SETBP1: variants seen among roughly 807,000 people sequenced by gnomAD.
The protein encoded by SETBP1 is SET-binding protein.
In SETBP1, 9 loss-of-function variants were observed where a neutral mutation model predicts 101.0. The observed-to-expected ratio is 0.09, with a 90% CI of 0.05 to 0.16. SETBP1 has a LOEUF of 0.16. Ranked by LOEUF, SETBP1 falls within the 10% of genes least tolerant of loss-of-function variation. The pLI, the probability that SETBP1 is intolerant of heterozygous loss-of-function variation, is 1.00. For synonymous variants in SETBP1, 818 were observed against 788.5 expected (o/e 1.04, Z -0.63); for missense variants, 1,858 against 2,033.8 (o/e 0.91, Z 1.66).
At position 44,933,212 on chromosome 18, in the gene SETBP1, G is replaced by A. The variant is rs377741457; in HGVS notation, c.541-16669G>A. 5.9e-5 allele frequency among the ~76,000 whole-genome samples: 9 copies of A among 152,328 alleles called. 1 individual carries two copies. Among genetic ancestry groups the A allele is most frequent in the South Asian group, 2.1e-4 (1 of 4,828 alleles). ...TGCAGGTCTGTTGGAGTTTGCTGAG[G>A]TCCCCTCCAGACCCTGTTTGCCTGG... is the stretch of plus-strand genomic sequence containing the variant. On this transcript the variant is annotated intron_variant, in intron 3 of 5. Transcript: ENST00000649279.
At chr18:44,991,175 G>A (rs1156447895) in intron 4 of SETBP1, among the ~76,000 whole-genome samples, 1 of 149,544 alleles carries the variant, frequency 6.7e-6, no homozygotes, top group Non-Finnish European at 1.5e-5. Flanking sequence ...CCCAGGAGGT[G>A]GAAGTTGCAG....
At chr18:44,784,005 C>T (rs903854940) in intron 2 of SETBP1, among the ~76,000 whole-genome samples, 28 of 152,214 alleles carry the variant, frequency 1.8e-4, no homozygotes, top group African/African-American at 6.5e-4. Context: ...CCACCCTTGC[C>T]TGATAGGCTG....
chr18:44,791,327 C>T (rs1023603543), intron 2 of SETBP1, among the ~76,000 whole-genome samples: 1 of 152,154 alleles, frequency 6.6e-6, no homozygotes, highest in Non-Finnish European at 1.5e-5. Context: ...TTCGGAAAAC[C>T]GTCCTAGTGG....
intron 3 of SETBP1, among the ~76,000 whole-genome samples, chr18:44,921,872 C>T (rs959855723): frequency 1.3e-5 from 2 of 152,166 alleles, no homozygotes; most frequent in Non-Finnish European, 2.9e-5. Context: ...GCAAGAGTAA[C>T]ACAGCAAATG....
At chr18:44,775,939 T>A (rs978190740) in intron 2 of SETBP1, among the ~76,000 whole-genome samples, 5 of 152,222 alleles carry the variant, frequency 3.3e-5, no homozygotes, top group Admixed American at 2.0e-4. Context: ...AATGGGATCA[T>A]GTTTTCTTTT....
intron 3 of SETBP1, among the ~76,000 whole-genome samples, chr18:44,915,591 A>G (rs1372896448): frequency 6.6e-6 from 1 of 152,216 alleles, no homozygotes; most frequent in Non-Finnish European, 1.5e-5. Flanking sequence ...AATAGTAATC[A>G]CATGTCAGAC....
chr18:44,776,033 C>T (rs1001306007), intron 2 of SETBP1, among the ~76,000 whole-genome samples: 6 of 152,148 alleles, frequency 3.9e-5, no homozygotes, highest in Admixed American at 2.0e-4. Flanking sequence ...TTGTAATTGA[C>T]TTGTATTTCT....
intron 5 of SETBP1, 75 bp downstream of exon 5, chr18:45,038,730 T>C: frequency 2.0e-6 from 3 of 1,505,474 alleles, no homozygotes; most frequent in South Asian, 2.3e-5. Context: ...GAATGGCCTG[T>C]TGAATACAGG....
intron 1 of SETBP1, among the ~76,000 whole-genome samples, chr18:44,699,652 T>A (rs1254767241): frequency 1.3e-5 from 2 of 152,190 alleles, no homozygotes; most frequent in Non-Finnish European, 2.9e-5. Flanking sequence ...TTCTTCTTTT[T>A]CAGAAAAGCT....
chr18:45,031,093 A>T (rs1332468899), intron 4 of SETBP1, among the ~76,000 whole-genome samples: 2 of 151,624 alleles, frequency 1.3e-5, no homozygotes, highest in African/African-American at 4.9e-5. Flanking sequence ...AGTTCTTTTA[A>T]TTGTGATGTT....
intron 4 of SETBP1, among the ~76,000 whole-genome samples, chr18:45,000,531 A>C (rs1443010359): frequency 1.3e-5 from 2 of 152,128 alleles, no homozygotes; most frequent in Non-Finnish European, 2.9e-5. Context: ...CTCCTCCATC[A>C]CCACCACCAA....
At chr18:45,034,645 G>T (rs2073359671) in intron 4 of SETBP1, among the ~76,000 whole-genome samples, 1 of 152,150 alleles carries the variant, frequency 6.6e-6, no homozygotes. Flanking sequence ...AAGAACAGAT[G>T]TTGGATCCAC....
intron 3 of SETBP1, among the ~76,000 whole-genome samples, chr18:44,931,188 C>T (rs1176512655): frequency 2.6e-5 from 4 of 152,164 alleles, no homozygotes; most frequent in African/African-American, 9.7e-5. Flanking sequence ...GCCTTCATTT[C>T]ATTATGTACC....
At chr18:44,963,924 G>T (rs9958669) in intron 4 of SETBP1, among the ~76,000 whole-genome samples, 3 of 101,314 alleles carry the variant, frequency 3.0e-5, no homozygotes, top group African/African-American at 1.0e-4. Flanking sequence ...AAAAAAAAAG[G>T]GTTATATATA....
intron 2 of SETBP1, among the ~76,000 whole-genome samples, chr18:44,843,401 A>G (rs1481292325): frequency 6.6e-6 from 1 of 152,152 alleles, no homozygotes; most frequent in African/African-American, 2.4e-5. Context: ...CATCAGCTGG[A>G]GAGTTCCTGC....
intron 5 of SETBP1, among the ~76,000 whole-genome samples, chr18:45,045,099 T>C (rs1329099289): frequency 6.6e-6 from 1 of 151,586 alleles, no homozygotes. Flanking sequence ...CTGGCCAACG[T>C]GGTGAAACCC....
At chr18:44,830,568 A>T (rs570352250) in intron 2 of SETBP1, among the ~76,000 whole-genome samples, 28 of 152,238 alleles carry the variant, frequency 1.8e-4, no homozygotes, top group African/African-American at 6.7e-4. Context: ...TTTTTTGCCT[A>T]TACGAAGGGT....
At chr18:45,060,595 G>C (rs1263589573) in intron 5 of SETBP1, among the ~76,000 whole-genome samples, 3 of 152,072 alleles carry the variant, frequency 2.0e-5, no homozygotes, top group African/African-American at 7.2e-5. Flanking sequence ...GCACAAAAGA[G>C]TTGGTTATGT....
At chr18:44,868,717 A>G (rs1428447178) in intron 2 of SETBP1, among the ~76,000 whole-genome samples, 1 of 7,162 alleles carries the variant, frequency 1.4e-4, no homozygotes, top group Non-Finnish European at 4.4e-4. Context: ...GAAGGGAGGA[A>G]GGAAGGAAGG....
Sources: allele counts gnomAD v4.1 joint callset (sites outside exome capture counted in the v4.1 genomes callset), GRCh38; gene constraint gnomAD v4.1.1; transcripts MANE v1.5; gene names NCBI Gene and HGNC (gene_info 2026-07-23, HGNC 2026-07-21).